Variants in SEMA6D observed in about 807,000 individuals in gnomAD.
SEMA6D encodes the protein semaphorin-6D.
Under a neutral mutation model 106.6 loss-of-function variants are expected in SEMA6D, and 35 were observed. The observed-to-expected ratio is 0.33, with a 90% CI of 0.25 to 0.44. SEMA6D has a LOEUF of 0.44. Ranked by LOEUF, SEMA6D falls within the 20% of genes least tolerant of loss-of-function variation. The pLI, the probability that SEMA6D is intolerant of heterozygous loss-of-function variation, is 1.00. For missense variants in SEMA6D, 1,185 were observed against 1,345.9 expected, an observed-to-expected ratio of 0.88 and a Z score of 1.87; for synonymous variants, 499 against 487.7, an observed-to-expected ratio of 1.02 and a Z score of -0.31.
chr15:47,273,560 G>C (rs918759073), intron 1 of SEMA6D, among the ~76,000 whole-genome samples: 3 of 152,178 alleles, frequency 2.0e-5, no homozygotes, highest in Admixed American at 2.0e-4. Context: ...TTCATTTTTT[G>C]CAGTCTTTAG....
chr15:47,422,211 TTCCTTCCTTCCTTCCTTCC>T (rs2041192008), intron 2 of SEMA6D, among the ~76,000 whole-genome samples: 1 of 150,786 alleles, frequency 6.6e-6, no homozygotes, highest in African/African-American at 2.4e-5. Flanking sequence ...CCTTCCTTCC[TTCCTTCCTTCCTTCCTTCC>T]TTCCATTTTC....
At chr15:47,766,345 T>C (rs1292322728) in intron 15 of SEMA6D, among the ~76,000 whole-genome samples, 163 bp downstream of exon 15, 1 of 151,900 alleles carries the variant, frequency 6.6e-6, no homozygotes, top group African/African-American at 2.4e-5. Context: ...AAGGGAATAA[T>C]AATACTTAAG....
At chr15:47,622,944 C>T (rs1224467291) in intron 4 of SEMA6D, among the ~76,000 whole-genome samples, 4 of 152,142 alleles carry the variant, frequency 2.6e-5, no homozygotes, top group African/African-American at 9.7e-5. Context: ...AAAACACAAG[C>T]TGGGGAAAGA....
At chr15:47,265,310 T>C (rs1366914159) in intron 1 of SEMA6D, among the ~76,000 whole-genome samples, 1 of 152,020 alleles carries the variant, frequency 6.6e-6, no homozygotes, top group Non-Finnish European at 1.5e-5. Context: ...TATAGTTTAT[T>C]CATATTATTT....
At chr15:47,601,509 G>A (rs2076658419) in intron 4 of SEMA6D, among the ~76,000 whole-genome samples, 1 of 152,178 alleles carries the variant, frequency 6.6e-6, no homozygotes, top group South Asian at 2.1e-4. Context: ...TGTGAATACA[G>A]GAATAAGTTT....
intron 3 of SEMA6D, among the ~76,000 whole-genome samples, chr15:47,596,959 T>C (rs1366776511): frequency 2.0e-5 from 3 of 151,936 alleles, no homozygotes; most frequent in Non-Finnish European, 4.4e-5. Flanking sequence ...AAAAATCTTC[T>C]CCATAGCAAG....
At position 47,765,257 on chromosome 15, in the gene SEMA6D, G is replaced by T. The variant is rs151094194; in HGVS notation, c.1427+201G>T. The T allele has an allele frequency of 6.6e-3, 8,870 of 1,348,782 alleles. 51 individuals carry two copies. Among genetic ancestry groups the T allele is most frequent in the Middle Eastern group, 7.3e-3 (26 of 3,568 alleles). The allele number at this position is 1,348,782 out of a possible 1,614,324, so 83.6% of individuals were successfully genotyped here. A position where few individuals can be genotyped will look rare whatever the true frequency, so the allele number is the denominator to read the frequency against. On this transcript the variant is annotated intron_variant, in intron 13 of 18. Transcript: ENST00000536845. ...GGCGAGGGGGGTGAATGGTTGATGA[G>T]TTTAAAAATAATGCAGCCCTTGTTT...
intron 1 of SEMA6D, among the ~76,000 whole-genome samples, chr15:47,337,007 C>G (rs658216): frequency 0.13 from 19,438 of 152,012 alleles, 1,442 homozygotes; most frequent in East Asian, 0.35. Flanking sequence ...TTTACTGACT[C>G]AAGGGCAGTG....
intron 3 of SEMA6D, among the ~76,000 whole-genome samples, chr15:47,548,498 C>T (rs2045589502): frequency 6.6e-6 from 1 of 152,050 alleles, no homozygotes; most frequent in Non-Finnish European, 1.5e-5. Context: ...ATGGAACAAG[C>T]CATTGCTCTT....
intron 1 of SEMA6D, among the ~76,000 whole-genome samples, chr15:47,757,966 C>T (rs73394853): frequency 2.8e-3 from 433 of 152,232 alleles, no homozygotes; most frequent in African/African-American, 9.9e-3. Flanking sequence ...ATTGAAGGAA[C>T]GTTCCCAGGC....
chr15:47,427,092 A>G (rs1567071895), intron 2 of SEMA6D, among the ~76,000 whole-genome samples: 1 of 152,166 alleles, frequency 6.6e-6, no homozygotes, highest in Non-Finnish European at 1.5e-5. Flanking sequence ...TATTGAAGTA[A>G]GGTTCATTTA....
chr15:47,604,260 C>G (rs2143604575), intron 4 of SEMA6D: 1 of 152,276 alleles, frequency 6.6e-6, no homozygotes, highest in South Asian at 2.1e-4. Context: ...CTTTCACATC[C>G]AAGTTTGTGG....
chr15:47,549,675 A>G (rs964267397), intron 3 of SEMA6D, among the ~76,000 whole-genome samples: 4 of 152,158 alleles, frequency 2.6e-5, no homozygotes, highest in African/African-American at 4.8e-5. Context: ...ACCAAATATC[A>G]TAAACATCTA....
chr15:47,637,281 C>G (rs2144648367), intron 4 of SEMA6D, among the ~76,000 whole-genome samples: 1 of 152,288 alleles, frequency 6.6e-6, no homozygotes, highest in Middle Eastern at 3.4e-3. Context: ...CAGTGCTTTC[C>G]CTAAGACAGC....
chr15:47,292,207 A>G (rs2035618069), intron 1 of SEMA6D, among the ~76,000 whole-genome samples: 1 of 152,222 alleles, frequency 6.6e-6, no homozygotes, highest in Admixed American at 6.5e-5. Context: ...GTGTTCAGAG[A>G]ACTGTGATAG....
At chr15:47,479,718 A>G (rs1015224626) in intron 3 of SEMA6D, among the ~76,000 whole-genome samples, 8 of 152,082 alleles carry the variant, frequency 5.3e-5, no homozygotes, top group Admixed American at 3.3e-4. Flanking sequence ...GCCATTTGCT[A>G]TCAAAGGAAT....
intron 3 of SEMA6D, among the ~76,000 whole-genome samples, chr15:47,501,925 A>G (rs899062764): frequency 1.3e-5 from 2 of 152,188 alleles, no homozygotes; most frequent in East Asian, 1.9e-4. Flanking sequence ...GCAACAATCA[A>G]ACCTCTGGCC....
In SEMA6D at chr15:47,770,509, A is replaced by G. The variant is rs760999238; in HGVS notation, c.1946A>G (p.Glu649Gly). ...LSGIPKGVRWEVQSGESNQMV... is the reference protein window; with the variant it reads ...LSGIPKGVRWGVQSGESNQMV... ...GTGTCTATTTCAGGTGTACGATGGG[A>G]AGTCCAGTCTGGAGAGTCCAACCAG... is the stretch of plus-strand genomic sequence containing the variant. The change falls in exon 19 of 19, where the codon GAA becomes GGA. Residue 649 changes from glutamate (E) to glycine (G), a missense_variant. Transcript: ENST00000536845. 6.3e-7 allele frequency: 1 copy of G among 1,589,732 alleles called. No homozygotes were observed. The highest frequency in any genetic ancestry group is 1.7e-5 in the Admixed American group (1 of 58,524).
intron 1 of SEMA6D, among the ~76,000 whole-genome samples, chr15:47,339,671 C>T (rs570855060): frequency 1.3e-5 from 2 of 152,144 alleles, no homozygotes; most frequent in South Asian, 4.2e-4. Context: ...CCAGAATGGG[C>T]AACATGATGA....
Sources: allele counts gnomAD v4.1 joint callset (sites outside exome capture counted in the v4.1 genomes callset), GRCh38; gene constraint gnomAD v4.1.1; transcripts MANE v1.5; gene names NCBI Gene and HGNC (gene_info 2026-07-23, HGNC 2026-07-21).